The following GNAO1 variants were observed in gnomAD, a reference collection of about 807,000 sequenced individuals.
The protein encoded by GNAO1 is G protein subunit alpha o1, also known as guanine nucleotide-binding protein G(o) subunit alpha.
For synonymous variants in GNAO1, 164 were observed against 180.7 expected (o/e 0.91, Z 0.74); for missense variants, 166 against 478.7 (o/e 0.35, Z 6.10).
chr16:56,245,809 A>G (rs80108729), intron 2 of GNAO1, among the ~76,000 whole-genome samples: 112 of 152,352 alleles, frequency 7.4e-4, no homozygotes, highest in African/African-American at 2.5e-3. Flanking sequence ...AAACATAGCA[A>G]TTGAGACACA....
intron 3 of GNAO1, among the ~76,000 whole-genome samples, chr16:56,319,934 C>A (rs901241910): frequency 2.0e-4 from 31 of 152,158 alleles, no homozygotes; most frequent in Non-Finnish European, 8.8e-5. Flanking sequence ...CCTTGAGCTT[C>A]CCCAAAAGTG....
At chr16:56,240,289 T>A (rs1418906577) in intron 2 of GNAO1, among the ~76,000 whole-genome samples, 1 of 152,142 alleles carries the variant, frequency 6.6e-6, no homozygotes, top group East Asian at 1.9e-4. Context: ...TGTGCTTGTC[T>A]GTATGGTCAT....
At chr16:56,235,084 A>T (rs1052103492) in intron 2 of GNAO1, 22 of 335,454 alleles carry the variant, frequency 6.6e-5, no homozygotes, top group Non-Finnish European at 8.8e-5. Flanking sequence ...CTGACCAGAC[A>T]AAGATGCTTA....
chr16:56,271,332 C>T (rs1224452140), intron 2 of GNAO1, among the ~76,000 whole-genome samples: 3 of 152,190 alleles, frequency 2.0e-5, no homozygotes, highest in African/African-American at 4.8e-5. Flanking sequence ...AATGAAATGA[C>T]ACATGTAAAG....
chr16:56,232,016 C>T (rs2036592924), intron 2 of GNAO1, among the ~76,000 whole-genome samples: 2 of 152,162 alleles, frequency 1.3e-5, no homozygotes. Context: ...ACCATCTGAT[C>T]CATTCCCATT....
intron 3 of GNAO1, among the ~76,000 whole-genome samples, chr16:56,300,036 T>TGTGTGTGTGTGTGTGTGTGCGCGC (rs753591618): frequency 5.3e-5 from 5 of 95,112 alleles, no homozygotes; most frequent in African/African-American, 1.9e-4. Flanking sequence ...TGTGTGTGTG[T>TGTGTGTGTGTGTGTGTGTGCGCGC]GCGCGCGCGC....
chr16:56,324,176 C>T (rs375105996), intron 3 of GNAO1, among the ~76,000 whole-genome samples: 203 of 152,280 alleles, frequency 1.3e-3, no homozygotes, highest in African/African-American at 4.7e-3. Context: ...GAGTGGGACC[C>T]ATTAAATTCC....
intron 1 of GNAO1, 65 bp from the exon 2 acceptor site, chr16:56,192,509 C>T: frequency 1.0e-6 from 1 of 988,722 alleles, no homozygotes; most frequent in African/African-American, 1.6e-5. Context: ...GCCTTAGTCC[C>T]CCCCTCCCCC....
intron 2 of GNAO1, among the ~76,000 whole-genome samples, chr16:56,207,747 G>A (rs1028238807): frequency 1.3e-5 from 2 of 152,186 alleles, no homozygotes; most frequent in South Asian, 2.1e-4. Flanking sequence ...CACCTACCTC[G>A]GTGTGGGGTC....
intron 2 of GNAO1, among the ~76,000 whole-genome samples, chr16:56,213,650 A>G (rs1463866118): frequency 3.9e-5 from 6 of 152,098 alleles, no homozygotes; most frequent in African/African-American, 1.4e-4. Flanking sequence ...CAGTTTTTTA[A>G]GTCGTCAGGG....
chr16:56,334,625 G>GA, intron 4 of GNAO1, 104 bp from the exon 5 acceptor site: 1 of 1,215,604 alleles, frequency 8.2e-7, no homozygotes, highest in East Asian at 2.4e-5. Context: ...CAGTGACCTG[G>GA]AGGGGCCCTG....
In GNAO1 at chr16:56,329,820, G is replaced by A. The variant is rs538527588; in HGVS notation, c.464+1029G>A. Among the ~76,000 whole-genome samples, 17 of 152,214 alleles carry A rather than the reference G, an allele frequency of 1.1e-4. No homozygotes were observed. The South Asian group carries it at 2.5e-3, about 22-fold the overall frequency. ...CCTCCAGGGGACATTCAGCAACATC[G>A]GGAGACATTTTTGATGGCTGCAGCT... On this transcript the variant is annotated intron_variant, in intron 4 of 8. Transcript: ENST00000262493.
chr16:56,274,345 A>G (rs1228049453), intron 2 of GNAO1, among the ~76,000 whole-genome samples: 1 of 152,228 alleles, frequency 6.6e-6, no homozygotes, highest in Non-Finnish European at 1.5e-5. Flanking sequence ...GTGGTGCACC[A>G]GTGGCCTGTA....
At chr16:56,238,128 T>C (rs1451451607) in intron 2 of GNAO1, among the ~76,000 whole-genome samples, 1 of 140,984 alleles carries the variant, frequency 7.1e-6, no homozygotes, top group Non-Finnish European at 1.6e-5. Flanking sequence ...CCACACACAT[T>C]TGTGGGACGA....
At chr16:56,302,706 T>C (rs1393879618) in intron 3 of GNAO1, 1 of 152,176 alleles carries the variant, frequency 6.6e-6, no homozygotes, top group Non-Finnish European at 1.5e-5. Context: ...TCTCAGAAGG[T>C]GCTTTGAACA....
intron 4 of GNAO1, among the ~76,000 whole-genome samples, chr16:56,333,300 C>T (rs1327818731): frequency 2.6e-5 from 4 of 151,832 alleles, no homozygotes; most frequent in Non-Finnish European, 5.9e-5. Context: ...GCAACCTCCG[C>T]CTCCTGGGTT....
intron 6 of GNAO1, among the ~76,000 whole-genome samples, chr16:56,337,957 C>G (rs2037759318): frequency 6.6e-6 from 1 of 152,208 alleles, no homozygotes; most frequent in Admixed American, 6.5e-5. Flanking sequence ...CCCCACGCCT[C>G]TGAAGGCTGG....
chr16:56,231,587 G>A (rs2143398242), intron 2 of GNAO1, among the ~76,000 whole-genome samples: 1 of 152,212 alleles, frequency 6.6e-6, no homozygotes, highest in Non-Finnish European at 1.5e-5. Flanking sequence ...CAACTGGGAG[G>A]GACTAAAAGA....
At chr16:56,238,206 G>A (rs1290403243) in intron 2 of GNAO1, among the ~76,000 whole-genome samples, 1 of 151,902 alleles carries the variant, frequency 6.6e-6, no homozygotes, top group African/African-American at 2.4e-5. Context: ...CAAAACGTGG[G>A]ACCAAGAGGA....
Sources: allele counts gnomAD v4.1 joint callset (sites outside exome capture counted in the v4.1 genomes callset), GRCh38; gene constraint gnomAD v4.1.1; transcripts MANE v1.5; gene names NCBI Gene and HGNC (gene_info 2026-07-23, HGNC 2026-07-21).